The following MAP2 variants were observed in gnomAD, a reference collection of about 807,000 sequenced individuals.
MAP2 encodes the protein microtubule-associated protein 2.
MAP2 carries 14 observed loss-of-function variants against 137.6 expected under a neutral mutation model. The ratio of observed to expected loss-of-function variants is 0.10; its 90% CI spans 0.07 to 0.16. The LOEUF (loss-of-function observed/expected upper bound fraction) is 0.16. Among genes scored for constraint, MAP2 ranks in the 10% least tolerant of loss-of-function variants. The probability of loss-of-function intolerance (pLI) is 1.00; values close to 1 mark genes in which losing one functional copy is unlikely to be tolerated. For missense variants in MAP2, 2,088 were observed against 2,191.5 expected, an observed-to-expected ratio of 0.95 and a Z score of 0.94; for synonymous variants, 786 against 782.3, an observed-to-expected ratio of 1.00 and a Z score of -0.08.
chr2:209,693,070 T>A lies in MAP2; in HGVS notation c.900T>A (p.Asp300Glu). 1 of 1,613,212 alleles carries A rather than the reference T, an allele frequency of 6.2e-7. No individual in the cohort carries two copies. The highest frequency in any genetic ancestry group is 8.5e-7 in the Non-Finnish European group (1 of 1,179,726). ...TGAGGGAAAAAGATGTATTTGATGA[T>A]ATCCCAAAATGGGAAGGGAAACAGT... The part of the protein sequence containing the change: ...TPMREKDVFD[D>E]IPKWEGKQFD... The change falls in exon 8 of 16, where the codon GAT (aspartate) becomes GAA (glutamate). Residue 300 changes from aspartate to glutamate, a missense_variant. Transcript: ENST00000682079.
chr2:209,616,304 G>C (rs1220373146), intron 3 of MAP2, among the ~76,000 whole-genome samples: 1 of 152,224 alleles, frequency 6.6e-6, no homozygotes, highest in Admixed American at 6.5e-5. Context: ...ATTGCTAACA[G>C]TGATGATCCA....
At chr2:209,536,496 T>C (rs2065965746) in intron 2 of MAP2, among the ~76,000 whole-genome samples, 1 of 152,196 alleles carries the variant, frequency 6.6e-6, no homozygotes, top group South Asian at 2.1e-4. Context: ...CAAAATGTTG[T>C]TTGTTGACCT....
chr2:209,455,070 A>G (rs1701221578), intron 1 of MAP2, among the ~76,000 whole-genome samples: 1 of 152,156 alleles, frequency 6.6e-6, no homozygotes, highest in Non-Finnish European at 1.5e-5. Flanking sequence ...TAATCACATC[A>G]TGAGGACCTC....
intron 2 of MAP2, among the ~76,000 whole-genome samples, chr2:209,537,793 C>A (rs1479038080): frequency 6.6e-6 from 1 of 152,162 alleles, no homozygotes; most frequent in Non-Finnish European, 1.5e-5. Flanking sequence ...CTTAATCCTC[C>A]TCAGATTCAG....
chr2:209,489,133 A>G (rs770542630), intron 1 of MAP2, among the ~76,000 whole-genome samples: 1 of 152,210 alleles, frequency 6.6e-6, no homozygotes, highest in Non-Finnish European at 1.5e-5. Flanking sequence ...TTCGCTGATG[A>G]TACCCAGGCA....
At position 209,694,932 on chromosome 2, in the gene MAP2, C is replaced by T; in HGVS notation, c.2762C>T (p.Ala921Val). ...DLSLIEVKLA[A>V]AGRVKDEFSV... ...TCACTGATTGAAGTGAAACTGGCAG[C>T]AGCCGGAAGAGTCAAAGATGAGTTC... The change falls in exon 8 of 16, where the codon GCA (alanine) becomes GTA (valine). Residue 921 changes from alanine to valine, a missense_variant. Physicochemically the swap from Ala to Val is moderately conservative, Grantham distance 64 (BLOSUM62 0). Around this residue, in one of 6 missense-constraint regions of MAP2, gnomAD observed 500 missense variants for 482.9 expected, o/e 1.04. Transcript: ENST00000682079. The T allele has an allele frequency of 6.2e-7, 1 of 1,614,170 alleles. No individual in the cohort carries two copies. Among genetic ancestry groups the T allele is most frequent in the Non-Finnish European group, 8.5e-7 (1 of 1,180,026 alleles).
At chr2:209,645,688 A>C (rs957336811) in intron 4 of MAP2, among the ~76,000 whole-genome samples, 3 of 152,224 alleles carry the variant, frequency 2.0e-5, no homozygotes, top group Non-Finnish European at 4.4e-5. Flanking sequence ...AAATGTTAAA[A>C]GGTAATATGT....
At chr2:209,545,125 T>C (rs547527801) in intron 2 of MAP2, among the ~76,000 whole-genome samples, 1 of 152,278 alleles carries the variant, frequency 6.6e-6, no homozygotes, top group Non-Finnish European at 1.5e-5. Context: ...GGGGAGGAAA[T>C]CTGGCAGTGA....
At chr2:209,430,257 T>C (rs2149273025) in intron 1 of MAP2, among the ~76,000 whole-genome samples, 1 of 151,660 alleles carries the variant, frequency 6.6e-6, no homozygotes, top group East Asian at 1.9e-4. Context: ...TAGCATACAA[T>C]TTCTTTACTT....
At chr2:209,452,798 T>G (rs1245652457) in intron 1 of MAP2, among the ~76,000 whole-genome samples, 1 of 152,138 alleles carries the variant, frequency 6.6e-6, no homozygotes, top group Non-Finnish European at 1.5e-5. Context: ...AGGGGACTGT[T>G]TTTAATATCT....
intron 1 of MAP2, among the ~76,000 whole-genome samples, chr2:209,434,874 T>TTATATATATATGTTATATATATATGTTA (rs199921912): frequency 1.1e-5 from 1 of 93,176 alleles, no homozygotes; most frequent in East Asian, 2.5e-4. Flanking sequence ...TATATATATG[T>TTATATATATATGTTATATATATATGTTA]TATATATATG....
In MAP2 at chr2:209,546,222, G is replaced by A. The variant is rs186556913; in HGVS notation, c.-171-33814G>A. Among the ~76,000 whole-genome samples the A allele has an allele frequency of 6.8e-4, 103 of 152,272 alleles. 1 individual carries two copies. Among genetic ancestry groups the A allele is most frequent in the Middle Eastern group, 3.4e-3 (1 of 294 alleles). ...ATTTATGGTCACATATATTTTAAAT[G>A]TGTATGGATGTTTTTATATATACAC... On this transcript the variant is annotated intron_variant, in intron 2 of 15. Transcript: ENST00000682079.
intron 5 of MAP2, among the ~76,000 whole-genome samples, chr2:209,672,035 C>A (rs1037627084): frequency 6.6e-6 from 1 of 151,810 alleles, no homozygotes; most frequent in Admixed American, 6.6e-5. Flanking sequence ...CTTTAAAATG[C>A]GCTAAAAGCA....
intron 2 of MAP2, among the ~76,000 whole-genome samples, chr2:209,556,388 T>C (rs1266796986): frequency 6.6e-6 from 1 of 152,188 alleles, no homozygotes; most frequent in Non-Finnish European, 1.5e-5. Flanking sequence ...ACCATTTATT[T>C]GCTCCGTTGC....
intron 12 of MAP2, among the ~76,000 whole-genome samples, chr2:209,708,731 A>T (rs956724267): frequency 1.3e-5 from 2 of 152,192 alleles, no homozygotes; most frequent in Admixed American, 6.5e-5. Flanking sequence ...GCAGTAAAAA[A>T]TGAAAATTAT....
chr2:209,498,303 G>C (rs958316706), intron 1 of MAP2, among the ~76,000 whole-genome samples: 1 of 152,214 alleles, frequency 6.6e-6, no homozygotes, highest in East Asian at 1.9e-4. Flanking sequence ...GGCTCCTAAG[G>C]CCTTGGTTAG....
At chr2:209,549,318 C>T (rs895364362) in intron 2 of MAP2, among the ~76,000 whole-genome samples, 4 of 152,134 alleles carry the variant, frequency 2.6e-5, no homozygotes, top group African/African-American at 9.7e-5. Context: ...ACCAAGGTCT[C>T]TTCACCAGAA....
intron 2 of MAP2, among the ~76,000 whole-genome samples, chr2:209,509,963 A>G (rs951559677): frequency 2.6e-5 from 4 of 151,622 alleles, no homozygotes; most frequent in African/African-American, 9.7e-5. Context: ...ATAGCATCTT[A>G]GATTTTATGA....
intron 11 of MAP2, among the ~76,000 whole-genome samples, chr2:209,701,622 GA>G (rs1178907643): frequency 6.6e-6 from 1 of 151,982 alleles, no homozygotes; most frequent in African/African-American, 2.4e-5. Flanking sequence ...TATTTATTAT[GA>G]AAAGTAGTGA....
Sources: gnomAD v4.1 joint callset for allele counts (sites outside exome capture counted in the v4.1 genomes callset) on GRCh38, gnomAD v4.1.1 for gene constraint, gnomAD v4.1.1 regional missense constraint, MANE v1.5 for transcripts, NCBI Gene and HGNC (gene_info 2026-07-23, HGNC 2026-07-21) for gene names.